SNX16: variants seen among roughly 807,000 people sequenced by gnomAD.
SNX16 encodes sorting nexin 16, also known as sorting nexin-16.
In SNX16, 35 loss-of-function variants were observed where a neutral mutation model predicts 36.7. The ratio of observed to expected loss-of-function variants is 0.95; its 90% confidence interval spans 0.73 to 1.27. The LOEUF (loss-of-function observed/expected upper bound fraction) is 1.27. Among genes scored for constraint, SNX16 ranks in the 50% most tolerant of loss-of-function variants. SNX16 has a pLI of 0.00. For synonymous variants in SNX16, 134 were observed against 132.0 expected, an observed-to-expected ratio of 1.02 and a Z score of -0.10; for missense variants, 367 against 393.6, an observed-to-expected ratio of 0.93 and a Z score of 0.57.
At chr8:81,803,348 A>G (rs1809793070) in intron 5 of SNX16, 120 bp from the exon 6 acceptor site, 2 of 1,021,492 alleles carry the variant, frequency 2.0e-6, no homozygotes, top group South Asian at 1.8e-5. Flanking sequence ...AATCAAAATA[A>G]TAGTATGAAA....
intron 4 of SNX16, 148 bp from the exon 5 acceptor site, chr8:81,815,542 T>C (rs1810443778): frequency 3.8e-6 from 2 of 522,572 alleles, no homozygotes; most frequent in South Asian, 2.5e-5. Context: ...TATAAAACTA[T>C]AGAAGATGCA....
Position 81,839,766 on chromosome 8 carries a change from C to T in SNX16, c.221G>A (p.Arg74Lys). Residue 74 changes from arginine (R) to lysine (K), a missense_variant, in exon 2 of 8, where the codon AGG (arginine) becomes AAG (lysine). By Grantham distance (26) the Arg-to-Lys change is conservative. Coordinates refer to ENST00000345957, the MANE Select transcript of SNX16 (RefSeq NM_152836.3). ...TSSVCSSPLI[R>K]TKFTGTASSI... Reference sequence around the variant, plus strand: ...AGAAGCTGTACCTGTAAATTTAGTCCTAATGAGGGGACTGCTACAGACAGA... The same window carrying T: ...AGAAGCTGTACCTGTAAATTTAGTCTTAATGAGGGGACTGCTACAGACAGA... 1 of 1,613,702 alleles carries T rather than the reference C, an allele frequency of 6.2e-7. No homozygotes were observed. Among genetic ancestry groups the T allele is most frequent in the Non-Finnish European group, 8.5e-7 (1 of 1,179,662 alleles).
chr8:81,837,393 A>G (rs745378674), intron 2 of SNX16, among the ~76,000 whole-genome samples: 1 of 152,182 alleles, frequency 6.6e-6, no homozygotes, highest in Non-Finnish European at 1.5e-5. Flanking sequence ...ATCTTCACAC[A>G]TATCATCTGT....
At chr8:81,803,511 T>C (rs1454567837) in intron 5 of SNX16, among the ~76,000 whole-genome samples, 2 of 151,988 alleles carry the variant, frequency 1.3e-5, no homozygotes, top group African/African-American at 2.4e-5. Flanking sequence ...GATATCCCTC[T>C]AGTGTAGAAC....
At position 81,815,388 on chromosome 8, in the gene SNX16, T is replaced by C. The variant is rs1810434587; in HGVS notation, c.618A>G (p.Ala206=). Residue 206 remains alanine (A), a synonymous_variant, in exon 5 of 8, where the codon GCA becomes GCG. Coordinates refer to ENST00000345957, the MANE Select transcript of SNX16 (RefSeq NM_152836.3). ...CATCCAAACAAAGAAATTCTCTCAC[T>C]GCAAGGCTTTTCAAAGGAAAAAAAA... ...VAHKDIANCL[A]VREFLCLDDP... is the part of the protein sequence containing the mutation. The C allele has an allele frequency of 6.2e-7, 1 of 1,610,750 alleles. No homozygotes were observed. The highest frequency in any genetic ancestry group is 1.7e-5 in the Admixed American group (1 of 59,580).
chr8:81,842,116 C>G lies in SNX16; in HGVS notation c.-97+6G>C, dbSNP rs1307161475. The G allele has an allele frequency of 1.3e-5, 2 of 151,558 alleles. No individual in the cohort carries two copies. Among genetic ancestry groups the G allele is most frequent in the African/African-American group, 2.4e-5 (1 of 41,266 alleles). 9.4% of individuals were successfully genotyped at this position (151,558 alleles called of 1,614,324 possible). A position where few individuals can be genotyped will look rare whatever the true frequency, so the allele number is the denominator to read the frequency against. The stretch of plus-strand genomic sequence containing the variant: ...GCCTGTCCTGAGGTAATGACCCAGT[C>G]TTTACCTCAGCCCCCTCGGCGATCC... On this transcript the variant is annotated splice_donor_region_variant and intron_variant, in intron 1 of 7. Transcript: ENST00000345957.
intron 5 of SNX16, among the ~76,000 whole-genome samples, chr8:81,809,408 T>C (rs1291370799): frequency 6.6e-6 from 1 of 151,790 alleles, no homozygotes; most frequent in Admixed American, 6.6e-5. Flanking sequence ...CATCCATTAT[T>C]AGGTGTAATC....
At chr8:81,807,424 CAGG>C (rs1810006671) in intron 5 of SNX16, among the ~76,000 whole-genome samples, 1 of 143,856 alleles carries the variant, frequency 7.0e-6, no homozygotes, top group African/African-American at 2.6e-5. Context: ...GAGGCTGAGG[CAGG>C]AGAATTGCTG....
intron 3 of SNX16, among the ~76,000 whole-genome samples, chr8:81,825,353 G>A (rs915289170): frequency 6.6e-6 from 1 of 152,070 alleles, no homozygotes; most frequent in Non-Finnish European, 1.5e-5. Flanking sequence ...ATTTAATTTA[G>A]GCTGTCTTAG....
chr8:81,802,533 A>C, intron 6 of SNX16, 34 bp from the exon 7 acceptor site: 1 of 1,579,690 alleles, frequency 6.3e-7, no homozygotes, highest in Non-Finnish European at 8.6e-7. Flanking sequence ...GTTATTTTCT[A>C]TGAACAAAAC....
intron 6 of SNX16, among the ~76,000 whole-genome samples, 173 bp from the exon 7 acceptor site, chr8:81,802,672 A>G (rs1471649782): frequency 6.6e-6 from 1 of 151,836 alleles, no homozygotes; most frequent in East Asian, 1.9e-4. Flanking sequence ...GCTATGATTA[A>G]TTTAAAATGA....
intron 2 of SNX16, among the ~76,000 whole-genome samples, chr8:81,832,033 C>T (rs1304269311): frequency 6.6e-6 from 1 of 152,152 alleles, no homozygotes; most frequent in Non-Finnish European, 1.5e-5. Context: ...AAACAGAACT[C>T]CCATTTGACA....
intron 2 of SNX16, among the ~76,000 whole-genome samples, chr8:81,837,350 A>G (rs1040390089): frequency 1.3e-5 from 2 of 152,204 alleles, no homozygotes; most frequent in African/African-American, 2.4e-5. Flanking sequence ...AATGCTTTAC[A>G]TAACACCACC....
intron 5 of SNX16, among the ~76,000 whole-genome samples, chr8:81,803,499 G>T (rs1326716016): frequency 6.6e-6 from 1 of 151,936 alleles, no homozygotes; most frequent in Non-Finnish European, 1.5e-5. Flanking sequence ...AAGTGAGTAT[G>T]TGATATCCCT....
At chr8:81,808,234 G>A (rs539740825) in intron 5 of SNX16, 20 of 1,261,004 alleles carry the variant, frequency 1.6e-5, no homozygotes, top group East Asian at 1.4e-4. Flanking sequence ...AACCTTTCAC[G>A]ACCATGACTC....
chr8:81,820,197 A>G (rs1431780402), intron 4 of SNX16, among the ~76,000 whole-genome samples: 2 of 151,030 alleles, frequency 1.3e-5, no homozygotes, highest in Admixed American at 1.3e-4. Context: ...AAATGTTGAG[A>G]TTTTGTCTTT....
At position 81,810,079 on chromosome 8, in the gene SNX16, A is replaced by T. The variant is rs1810164476; in HGVS notation, c.681+5246T>A. Among the ~76,000 whole-genome samples the T allele has an allele frequency of 3.3e-5, 5 of 152,294 alleles. No homozygotes were observed. The South Asian group carries it at 1.0e-3, about 32-fold the overall frequency. ...TTAGGTAGAGAATAGATGGCTTAAG[A>T]ATTCTGCTTTAATTGTTTGTACTTA... On this transcript the variant is annotated intron_variant, in intron 5 of 7. Coordinates refer to ENST00000345957, the MANE Select transcript of SNX16 (RefSeq NM_152836.3).
At chr8:81,828,842 T>A (rs1421289608) in intron 3 of SNX16, among the ~76,000 whole-genome samples, 2 of 152,194 alleles carry the variant, frequency 1.3e-5, no homozygotes, top group Admixed American at 1.3e-4. Flanking sequence ...GTAGTCTCTA[T>A]GAAGTATGAA....
intron 5 of SNX16, among the ~76,000 whole-genome samples, chr8:81,806,111 A>C (rs1421564834): frequency 1.3e-5 from 2 of 152,168 alleles, no homozygotes; most frequent in African/African-American, 4.8e-5. Flanking sequence ...ATTGTTTTAC[A>C]GGTGAATTCT....
Sources: gnomAD v4.1 joint callset for allele counts (sites outside exome capture counted in the v4.1 genomes callset) on GRCh38, gnomAD v4.1.1 for gene constraint, MANE v1.5 for transcripts, NCBI Gene and HGNC (gene_info 2026-07-23, HGNC 2026-07-21) for gene names.